The following TRPM6 variants were observed in gnomAD, a reference collection of about 807,000 sequenced individuals.
TRPM6 encodes the protein transient receptor potential cation channel subfamily M member 6.
Under a neutral mutation model 247.6 loss-of-function variants are expected in TRPM6, and 111 were observed. That is an observed-to-expected ratio of 0.45 (90% CI 0.38 to 0.52). The LOEUF (loss-of-function observed/expected upper bound fraction) is 0.52. Among genes scored for constraint, TRPM6 ranks in the 20% least tolerant of loss-of-function variants. The pLI is 0.00. For synonymous variants in TRPM6, 892 were observed against 853.8 expected (o/e 1.04, Z -0.78); for missense variants, 2,126 against 2,421.5 (o/e 0.88, Z 2.56).
intron 36 of TRPM6, chr9:74,737,320 A>G: frequency 8.0e-7 from 1 of 1,253,574 alleles, no homozygotes; most frequent in East Asian, 5.6e-5. Flanking sequence ...TGAGCATGTG[A>G]CACAAGTTTC....
chr9:74,866,598 C>T (rs1830852299), intron 1 of TRPM6, among the ~76,000 whole-genome samples: 1 of 152,174 alleles, frequency 6.6e-6, no homozygotes, highest in Non-Finnish European at 1.5e-5. Context: ...TCTCCTGCCT[C>T]AGCCTCTTGA....
intron 11 of TRPM6, among the ~76,000 whole-genome samples, chr9:74,813,342 T>C (rs1318425937): frequency 6.6e-6 from 1 of 152,216 alleles, no homozygotes; most frequent in African/African-American, 2.4e-5. Context: ...AGCCAAATAG[T>C]AGAAGTGGAA....
chr9:74,800,909 T>G (rs907113654), intron 16 of TRPM6, among the ~76,000 whole-genome samples: 5 of 151,234 alleles, frequency 3.3e-5, no homozygotes, highest in East Asian at 1.9e-4. Context: ...AGTGTGTTTT[T>G]TTTTTTTTTT....
chr9:74,870,948 A>G (rs1831007849), intron 1 of TRPM6, among the ~76,000 whole-genome samples: 1 of 152,144 alleles, frequency 6.6e-6, no homozygotes, highest in Admixed American at 6.5e-5. Context: ...AAAAGAAAAG[A>G]AAAGAAAAAG....
At chr9:74,725,168 G>T (rs1169171496) in intron 38 of TRPM6, among the ~76,000 whole-genome samples, 1 of 152,040 alleles carries the variant, frequency 6.6e-6, no homozygotes, top group Admixed American at 6.6e-5. Context: ...CTCAGGTTTG[G>T]TACAGCCAAT....
chr9:74,817,145 T>TG lies in TRPM6; in HGVS notation c.1135-182dup, dbSNP rs375007394. Among the ~76,000 whole-genome samples, 116 of 152,104 alleles carry TG rather than the reference T, an allele frequency of 7.6e-4. 1 individual carries two copies. Among genetic ancestry groups the TG allele is most frequent in the Middle Eastern group, 3.4e-3 (1 of 294 alleles). On this transcript the variant is annotated intron_variant, in intron 9 of 38. Transcript: ENST00000360774. ...AGGGTAACAAAGAATTATGGGCACT[T>TG]GGGGGGGAAAAAACTAAAAATTCCA...
chr9:74,803,518 G>A (rs1442953528), intron 15 of TRPM6, among the ~76,000 whole-genome samples: 1 of 152,138 alleles, frequency 6.6e-6, no homozygotes, highest in Non-Finnish European at 1.5e-5. Context: ...CATTTTTTAA[G>A]TACCATCCCA....
chr9:74,727,724 A>C (rs1825379880), intron 38 of TRPM6, among the ~76,000 whole-genome samples: 1 of 151,758 alleles, frequency 6.6e-6, no homozygotes, highest in Non-Finnish European at 1.5e-5. Context: ...TCATATTATC[A>C]AATCAGATTT....
At chr9:74,801,812 A>G (rs1379016667) in intron 16 of TRPM6, 86 bp downstream of exon 16, 6 of 1,530,438 alleles carry the variant, frequency 3.9e-6, no homozygotes, top group African/African-American at 1.4e-5. Context: ...CATTTGTCCT[A>G]CAAGTTTAAA....
At chr9:74,856,967 T>G (rs1355069918) in intron 2 of TRPM6, among the ~76,000 whole-genome samples, 1 of 152,240 alleles carries the variant, frequency 6.6e-6, no homozygotes, top group Non-Finnish European at 1.5e-5. Flanking sequence ...TTCATGGAAT[T>G]ACAATCGTTG....
chr9:74,886,545 T>C (rs1324794213), intron 1 of TRPM6, among the ~76,000 whole-genome samples: 1 of 151,994 alleles, frequency 6.6e-6, no homozygotes, highest in Admixed American at 6.6e-5. Context: ...GTTCTCCGTG[T>C]CTTAAAGCAC....
chr9:74,776,804 A>T (rs1409143104), intron 23 of TRPM6, among the ~76,000 whole-genome samples: 1 of 152,354 alleles, frequency 6.6e-6, no homozygotes, highest in Non-Finnish European at 1.5e-5. Context: ...ACAAAATAAG[A>T]TGTCCATCTT....
chr9:74,771,076 T>G (rs558988187), intron 25 of TRPM6, among the ~76,000 whole-genome samples: 14 of 152,170 alleles, frequency 9.2e-5, no homozygotes, highest in Non-Finnish European at 1.8e-4. Flanking sequence ...CCCCTCTGGC[T>G]GCTGCCAGAC....
intron 20 of TRPM6, among the ~76,000 whole-genome samples, chr9:74,786,914 T>C (rs1010332575): frequency 4.0e-5 from 6 of 151,758 alleles, no homozygotes; most frequent in African/African-American, 1.5e-4. Flanking sequence ...GAATATGATA[T>C]TGGGCCGGGT....
intron 6 of TRPM6, among the ~76,000 whole-genome samples, chr9:74,833,460 C>T (rs570635738): frequency 1.2e-4 from 19 of 152,304 alleles, no homozygotes; most frequent in African/African-American, 4.3e-4. Flanking sequence ...AAGAATGTCC[C>T]TTGTTTCACT....
chr9:74,737,571 AG>A, intron 36 of TRPM6: 1 of 543,444 alleles, frequency 1.8e-6, no homozygotes, highest in East Asian at 6.8e-5. Context: ...AGAAAAGAAC[AG>A]GGATGTCTTA....
chr9:74,872,371 A>T (rs1007597910), intron 1 of TRPM6, among the ~76,000 whole-genome samples: 11 of 152,108 alleles, frequency 7.2e-5, no homozygotes, highest in African/African-American at 2.2e-4. Flanking sequence ...CCCTGGCCTC[A>T]AGCAATCCTC....
At chr9:74,805,626 T>G (rs1342978282) in intron 14 of TRPM6, among the ~76,000 whole-genome samples, 2 of 152,144 alleles carry the variant, frequency 1.3e-5, no homozygotes, top group Non-Finnish European at 2.9e-5. Context: ...AATTTGAAAG[T>G]TGAAGTTTAA....
Position 74,887,816 on chromosome 9 carries a change from G to C in TRPM6, c.33+8C>G, listed in dbSNP as rs1831587011. 6.2e-7 allele frequency: 1 copy of C among 1,614,144 alleles called. No individual in the cohort carries two copies. Among genetic ancestry groups the C allele is most frequent in the Admixed American group, 1.7e-5 (1 of 60,014 alleles). On this transcript the variant is annotated splice_region_variant and intron_variant, in intron 1 of 38. Transcript: ENST00000360774. ...TTGTTCCCCGCCAGTCGAGCAGCCTGAGCTTACCTGCAAGCGCTCCAAGAC... is the reference window on the plus strand; with the variant it reads ...TTGTTCCCCGCCAGTCGAGCAGCCTCAGCTTACCTGCAAGCGCTCCAAGAC...
Sources: allele counts gnomAD v4.1 joint callset (sites outside exome capture counted in the v4.1 genomes callset), GRCh38; gene constraint gnomAD v4.1.1; transcripts MANE v1.5; gene names NCBI Gene and HGNC (gene_info 2026-07-23, HGNC 2026-07-21).